Variants in KIF26B observed in about 807,000 individuals in gnomAD.
KIF26B encodes the protein kinesin family member 26B, also known as kinesin-like protein KIF26B.
In KIF26B, 63 loss-of-function variants were observed where a neutral mutation model predicts 151.2. The observed-to-expected ratio is 0.42, with a 90% CI of 0.34 to 0.51. The LOEUF is 0.51. KIF26B is among the 20% of genes least tolerant of loss of function. KIF26B has a pLI of 0.07. For synonymous variants in KIF26B, 1,357 were observed against 1,262.1 expected (o/e 1.08, Z -1.59); for missense variants, 2,813 against 2,913.6 (o/e 0.97, Z 0.79).
intron 4 of KIF26B, among the ~76,000 whole-genome samples, chr1:245,420,519 G>C (rs1201648892): frequency 6.6e-6 from 1 of 152,194 alleles, no homozygotes; most frequent in Non-Finnish European, 1.5e-5. Flanking sequence ...TATAACTCAT[G>C]TTTTAATTTA....
At chr1:245,372,253 T>A in intron 3 of KIF26B, among the ~76,000 whole-genome samples, 1 of 152,192 alleles carries the variant, frequency 6.6e-6, no homozygotes, top group East Asian at 1.9e-4. Flanking sequence ...TAATGCCTGA[T>A]GATCTGAGGT....
chr1:245,364,235 G>T (rs1258260110), intron 2 of KIF26B, among the ~76,000 whole-genome samples: 1 of 152,044 alleles, frequency 6.6e-6, no homozygotes, highest in Non-Finnish European at 1.5e-5. Context: ...TAAAGAAGGT[G>T]GTGCTTCAAG....
chr1:245,376,747 G>A (rs1356431777), intron 3 of KIF26B, among the ~76,000 whole-genome samples: 1 of 152,104 alleles, frequency 6.6e-6, no homozygotes, highest in Non-Finnish European at 1.5e-5. Flanking sequence ...GAGTGCAGCG[G>A]CACAATCTTG....
intron 4 of KIF26B, among the ~76,000 whole-genome samples, chr1:245,454,503 G>A (rs963766799): frequency 3.3e-5 from 5 of 152,148 alleles, no homozygotes; most frequent in African/African-American, 1.2e-4. Flanking sequence ...TCTTCCCTTT[G>A]TCTCCCTCTG....
At chr1:245,353,081 C>G (rs533070877) in intron 2 of KIF26B, among the ~76,000 whole-genome samples, 79 of 152,288 alleles carry the variant, frequency 5.2e-4, no homozygotes, top group Middle Eastern at 3.4e-3. Context: ...CTGTATCTTA[C>G]AGGATCTGTT....
intron 5 of KIF26B, among the ~76,000 whole-genome samples, chr1:245,569,370 G>A (rs1455202860): frequency 6.6e-6 from 1 of 152,130 alleles, no homozygotes; most frequent in African/African-American, 2.4e-5. Context: ...CACTTTGGGA[G>A]GCTGAGACGG....
chr1:245,520,583 T>C (rs1223200312), intron 4 of KIF26B, among the ~76,000 whole-genome samples: 4 of 63,526 alleles, frequency 6.3e-5, no homozygotes, highest in Non-Finnish European at 1.8e-4. Context: ...CATCCATCCA[T>C]CCATCCATCC....
intron 2 of KIF26B, among the ~76,000 whole-genome samples, chr1:245,213,854 T>A (rs1255090764): frequency 6.6e-6 from 1 of 152,202 alleles, no homozygotes; most frequent in Non-Finnish European, 1.5e-5. Context: ...CTTGAGGTAA[T>A]TACGGGATAG....
chr1:245,625,211 T>A (rs1189113667), intron 9 of KIF26B, among the ~76,000 whole-genome samples: 1 of 152,210 alleles, frequency 6.6e-6, no homozygotes, highest in Non-Finnish European at 1.5e-5. Flanking sequence ...TCCAACTTTG[T>A]TCTTATTTTT....
chr1:245,304,358 G>A (rs1406254735), intron 2 of KIF26B, among the ~76,000 whole-genome samples: 3 of 152,196 alleles, frequency 2.0e-5, no homozygotes, highest in East Asian at 3.8e-4. Flanking sequence ...GTAGTTGATG[G>A]CAAGTGCTTC....
intron 3 of KIF26B, among the ~76,000 whole-genome samples, chr1:245,387,169 TTTTTTG>T (rs1167205296): frequency 2.4e-4 from 9 of 37,014 alleles, no homozygotes; most frequent in African/African-American, 7.4e-4. Flanking sequence ...TTGTTTTTTG[TTTTTTG>T]TTTTTTGAGA....
At chr1:245,638,488 T>C (rs957541747) in intron 9 of KIF26B, among the ~76,000 whole-genome samples, 8 of 151,924 alleles carry the variant, frequency 5.3e-5, no homozygotes, top group Non-Finnish European at 1.2e-4. Flanking sequence ...TCTTGCCCTA[T>C]TGTGCTGGCT....
At chr1:245,485,435 G>T (rs1452335041) in intron 4 of KIF26B, among the ~76,000 whole-genome samples, 1 of 150,586 alleles carries the variant, frequency 6.6e-6, no homozygotes, top group Non-Finnish European at 1.5e-5. Flanking sequence ...CCAGGCTGGA[G>T]TGCAATGGCG....
chr1:245,307,793 T>C (rs931447551), intron 2 of KIF26B, among the ~76,000 whole-genome samples: 19 of 150,024 alleles, frequency 1.3e-4, no homozygotes, highest in Non-Finnish European at 2.7e-4. Context: ...CAGGCTGGAG[T>C]GCGGTGGCGC....
intron 2 of KIF26B, among the ~76,000 whole-genome samples, chr1:245,300,894 T>C (rs1469378272): frequency 6.8e-6 from 1 of 147,900 alleles, no homozygotes; most frequent in African/African-American, 2.5e-5. Context: ...GCGGTGATGC[T>C]ATCTCAGCTC....
chr1:245,658,245 C>T (rs1370044161), intron 10 of KIF26B, among the ~76,000 whole-genome samples: 1 of 152,114 alleles, frequency 6.6e-6, no homozygotes, highest in African/African-American at 2.4e-5. Context: ...ACGATTTTTC[C>T]ATTGTAGATG....
At chr1:245,160,370 T>C (rs992953484) in intron 2 of KIF26B, among the ~76,000 whole-genome samples, 2 of 152,328 alleles carry the variant, frequency 1.3e-5, no homozygotes, top group Middle Eastern at 3.4e-3. Context: ...AGCCTTCCAG[T>C]GTGTGAATAC....
At chr1:245,533,188 G>A (rs940588881) in intron 4 of KIF26B, among the ~76,000 whole-genome samples, 3 of 152,120 alleles carry the variant, frequency 2.0e-5, no homozygotes, top group African/African-American at 7.2e-5. Context: ...TTCTATAATG[G>A]CACGTGAGCC....
Position 245,488,617 on chromosome 1 carries a change from C to T in KIF26B, c.1167-52150C>T, listed in dbSNP as rs543845181. ...TAGATCGGAGCCACAGATGCTATCA[C>T]TCCTCTGCCGTGGCCCCATCCTCCT... On this transcript the variant is annotated intron_variant, in intron 4 of 14. Transcript: ENST00000407071. The surrounding 1 kb of genome is among the most constrained non-coding windows in gnomAD (Gnocchi z 4.6). Among the ~76,000 whole-genome samples, 3 of 152,342 alleles carry T rather than the reference C, an allele frequency of 2.0e-5. No individual in the cohort carries two copies. Among genetic ancestry groups the T allele is most frequent in the South Asian group, 2.1e-4 (1 of 4,826 alleles).
Sources: gnomAD v4.1 joint callset for allele counts (sites outside exome capture counted in the v4.1 genomes callset) on GRCh38, gnomAD v4.1.1 for gene constraint, Gnocchi (gnomAD v3.1) non-coding constraint, MANE v1.5 for transcripts, NCBI Gene and HGNC (gene_info 2026-07-23, HGNC 2026-07-21) for gene names.